The following HGF variants were observed in gnomAD, a reference collection of about 807,000 sequenced individuals.
The protein encoded by HGF is hepatocyte growth factor.
In HGF, 39 loss-of-function variants were observed where a neutral mutation model predicts 111.6. The observed-to-expected ratio is 0.35, with a 90% confidence interval of 0.27 to 0.46. The LOEUF (loss-of-function observed/expected upper bound fraction) is 0.46, where lower values mean the gene tolerates loss of function less well. Ranked by LOEUF, HGF falls within the 20% of genes least tolerant of loss-of-function variation. The probability of loss-of-function intolerance (pLI) is 1.00; values close to 1 mark genes in which losing one functional copy is unlikely to be tolerated. For missense variants in HGF, 735 were observed against 910.5 expected (o/e 0.81, Z 2.48); for synonymous variants, 285 against 294.8 (o/e 0.97, Z 0.34).
rs1210900411 is a variant in HGF, at chr7:81,770,006, G to A, written c.-35C>T. Reference sequence around the variant, plus strand: ...GGACGGGCTGGCGGATCCCTCTGGAGGAGATGCCTGGGTGAAAGAATCCTG... The same window carrying A: ...GGACGGGCTGGCGGATCCCTCTGGAAGAGATGCCTGGGTGAAAGAATCCTG... On this transcript the variant is annotated 5_prime_UTR_variant, in exon 1 of 18. Transcript: ENST00000222390. 3.4e-6 allele frequency: 5 copies of A among 1,470,702 alleles called. No individual in the cohort carries two copies. Among genetic ancestry groups the A allele is most frequent in the South Asian group, 1.2e-5 (1 of 82,452 alleles). The allele number at this position is 1,470,702 out of a possible 1,614,324, so 91.1% of individuals were successfully genotyped here. A position where few individuals can be genotyped will look rare whatever the true frequency, so the allele number is the denominator to read the frequency against.
chr7:81,751,379 C>G, intron 5 of HGF: 1 of 985,200 alleles, frequency 1.0e-6, no homozygotes, highest in East Asian at 1.1e-4. Context: ...AAACCACATA[C>G]AATGCTGAAA....
rs917265278 is a variant in HGF, at chr7:81,702,067, G to A, written c.*514C>T. On this transcript the variant is annotated 3_prime_UTR_variant, in exon 18 of 18. Coordinates refer to ENST00000222390, the MANE Select transcript of HGF (RefSeq NM_000601.6). Reference sequence around the variant, plus strand: ...ATGTGGTTTTGTAAAAAGTGTGTTCGTGTACCAGTATTGCAGGATACATGG... The same window carrying A: ...ATGTGGTTTTGTAAAAAGTGTGTTCATGTACCAGTATTGCAGGATACATGG... 5.3e-6 allele frequency: 1 copy of A among 187,288 alleles called. No individual in the cohort carries two copies. The highest frequency in any genetic ancestry group is 1.1e-5 in the Non-Finnish European group (1 of 88,854). 11.6% of individuals were successfully genotyped at this position (187,288 alleles called of 1,614,324 possible).
chr7:81,710,597 T>C (rs540060777), intron 12 of HGF, among the ~76,000 whole-genome samples: 38 of 152,284 alleles, frequency 2.5e-4, no homozygotes, highest in African/African-American at 8.2e-4. Flanking sequence ...ACAATGGTTA[T>C]TTCTAATGGT....
intron 9 of HGF, among the ~76,000 whole-genome samples, chr7:81,723,450 A>C (rs1172850109): frequency 6.6e-6 from 1 of 151,996 alleles, no homozygotes; most frequent in Non-Finnish European, 1.5e-5. Context: ...TTTGGTTACA[A>C]TTTTCTGACT....
chr7:81,743,727 C>A (rs987115840), intron 6 of HGF, among the ~76,000 whole-genome samples: 1 of 152,068 alleles, frequency 6.6e-6, no homozygotes, highest in Non-Finnish European at 1.5e-5. Flanking sequence ...GCTGAGGTTC[C>A]AAATCGAGTC....
intron 1 of HGF, among the ~76,000 whole-genome samples, chr7:81,764,568 C>G (rs1041153141): frequency 3.3e-5 from 5 of 151,994 alleles, no homozygotes; most frequent in Non-Finnish European, 5.9e-5. Flanking sequence ...TTTTAATTAC[C>G]TGAAATGTTA....
chr7:81,748,911 A>G (rs1788381658), intron 5 of HGF, among the ~76,000 whole-genome samples: 1 of 152,186 alleles, frequency 6.6e-6, no homozygotes, highest in Non-Finnish European at 1.5e-5. Flanking sequence ...TCTCCGTCAT[A>G]AAACAGGAGT....
chr7:81,736,894 G>GTGTGTGTGTGT (rs1554369033), intron 7 of HGF, among the ~76,000 whole-genome samples: 8 of 141,966 alleles, frequency 5.6e-5, no homozygotes, highest in Admixed American at 2.8e-4. Flanking sequence ...TGTGTAGAGG[G>GTGTGTGTGTGT]GTGTGTGTGT....
chr7:81,743,675 C>A (rs1241484429), intron 6 of HGF, among the ~76,000 whole-genome samples: 1 of 152,144 alleles, frequency 6.6e-6, no homozygotes, highest in Non-Finnish European at 1.5e-5. Flanking sequence ...AGAGTATCAT[C>A]CCCTGGCTAA....
At position 81,720,916 on chromosome 7, in the gene HGF, A is replaced by C. The variant is rs1404554765; in HGVS notation, c.1169-69T>G. 3 of 826,396 alleles carry C rather than the reference A, an allele frequency of 3.6e-6. No individual in the cohort carries two copies. In the African/African-American group the frequency reaches 5.0e-5, roughly 14 times the overall value. The allele number at this position is 826,396 out of a possible 1,614,324, so 51.2% of individuals were successfully genotyped here. A position where few individuals can be genotyped will look rare whatever the true frequency, so the allele number is the denominator to read the frequency against. ...CAGATAAAACAAAAAGGTTTTTTAC[A>C]AGTATATGGAATCATGAAATCAACA... is the stretch of plus-strand genomic sequence containing the variant. On this transcript the variant is annotated intron_variant, in intron 9 of 17. Transcript: ENST00000222390.
At chr7:81,709,656 T>G (rs1789520256) in intron 13 of HGF, among the ~76,000 whole-genome samples, 2 of 152,162 alleles carry the variant, frequency 1.3e-5, no homozygotes, top group Non-Finnish European at 2.9e-5. Flanking sequence ...ATTGGCCTTT[T>G]TGTAAAGATA....
At position 81,758,822 on chromosome 7, in the gene HGF, A is replaced by T. The variant is rs760861879; in HGVS notation, c.255-18T>A. The stretch of plus-strand genomic sequence containing the variant: ...CAAAAGCCCTGAAAAAAATATCAGA[A>T]TGAAAAGAAGAAATACTACTATTTA... On this transcript the variant is annotated intron_variant, in intron 2 of 17. Transcript: ENST00000222390. The T allele has an allele frequency of 1.3e-6, 2 of 1,509,046 alleles. No homozygotes were observed. The highest frequency in any genetic ancestry group is 4.5e-5 in the East Asian group (2 of 44,272). 93.5% of individuals were successfully genotyped at this position (1,509,046 alleles called of 1,614,324 possible).
At chr7:81,722,813 C>CAAAA (rs552915726) in intron 9 of HGF, among the ~76,000 whole-genome samples, 3 of 91,190 alleles carry the variant, frequency 3.3e-5, no homozygotes, top group East Asian at 2.9e-4. Context: ...GATTCTGTCT[C>CAAAA]AAAAAAAAAA....
chr7:81,747,262 C>A (rs1312840224), intron 5 of HGF, among the ~76,000 whole-genome samples: 1 of 152,100 alleles, frequency 6.6e-6, no homozygotes, highest in African/African-American at 2.4e-5. Flanking sequence ...TGGCGTGAAC[C>A]CGGGAGATGG....
intron 5 of HGF, chr7:81,751,152 A>G: frequency 1.1e-6 from 1 of 908,488 alleles, no homozygotes; most frequent in Non-Finnish European, 1.3e-6. Context: ...TTATGGAGGA[A>G]ATATTTTTAA....
At chr7:81,711,969 A>G (rs1050725109) in intron 11 of HGF, among the ~76,000 whole-genome samples, 1 of 152,172 alleles carries the variant, frequency 6.6e-6, no homozygotes, top group Non-Finnish European at 1.5e-5. Flanking sequence ...TTGACATTTT[A>G]TTCAGAGATA....
rs761252474 is a variant in HGF, at chr7:81,743,342, C to T, written c.865+11G>A. 84 of 1,482,194 alleles carry T rather than the reference C, an allele frequency of 5.7e-5. No individual in the cohort carries two copies. Among genetic ancestry groups the T allele is most frequent in the Middle Eastern group, 1.7e-4 (1 of 5,810 alleles). The allele number at this position is 1,482,194 out of a possible 1,614,324, so 91.8% of individuals were successfully genotyped here. A position where few individuals can be genotyped will look rare whatever the true frequency, so the allele number is the denominator to read the frequency against. ...GAGGAAAAGGAAGCAATAAATTTGA[C>T]CTTCACTTACCGCATGTTTTAATTG... On this transcript the variant is annotated intron_variant, in intron 7 of 17. Transcript: ENST00000222390.
At chr7:81,767,794 A>G (rs370242493) in intron 1 of HGF, among the ~76,000 whole-genome samples, 2 of 152,218 alleles carry the variant, frequency 1.3e-5, no homozygotes, top group Admixed American at 6.5e-5. Context: ...ATAAATTCAT[A>G]GAATAAATAA....
At chr7:81,707,146 A>T in intron 14 of HGF, 144 bp downstream of exon 14, 1 of 638,538 alleles carries the variant, frequency 1.6e-6, no homozygotes, top group Admixed American at 2.6e-5. Flanking sequence ...TAAGTTTTGT[A>T]AGCCAAATTC....
Sources: allele counts gnomAD v4.1 joint callset (sites outside exome capture counted in the v4.1 genomes callset), GRCh38; gene constraint gnomAD v4.1.1; transcripts MANE v1.5; gene names NCBI Gene and HGNC (gene_info 2026-07-23, HGNC 2026-07-21).